The following PTPN14 variants were observed in gnomAD, a reference collection of about 807,000 sequenced individuals.
PTPN14 encodes the protein tyrosine-protein phosphatase non-receptor type 14.
Under a neutral mutation model 126.8 loss-of-function variants are expected in PTPN14, and 53 were observed. The ratio of observed to expected loss-of-function variants is 0.42; its 90% CI spans 0.34 to 0.53. The LOEUF is 0.53. Among genes scored for constraint, PTPN14 ranks in the 20% least tolerant of loss-of-function variants. PTPN14 has a pLI of 0.08. For synonymous variants in PTPN14, 630 were observed against 599.3 expected, an observed-to-expected ratio of 1.05 and a Z score of -0.75; for missense variants, 1,257 against 1,552.9, an observed-to-expected ratio of 0.81 and a Z score of 3.20.
chr1:214,551,113 C>T (rs1221629522), intron 1 of PTPN14, 70 bp downstream of exon 1: 1 of 152,312 alleles, frequency 6.6e-6, no homozygotes, highest in Non-Finnish European at 1.5e-5. Flanking sequence ...CCCAAGTCAT[C>T]TGCAGGGCGC....
chr1:214,422,134 T>C (rs1362215457), intron 3 of PTPN14, among the ~76,000 whole-genome samples: 3 of 152,206 alleles, frequency 2.0e-5, no homozygotes, highest in Non-Finnish European at 4.4e-5. Flanking sequence ...GTTATTTCTA[T>C]AATATGAAAG....
At chr1:214,387,625 C>G (rs1164587259) in intron 11 of PTPN14, among the ~76,000 whole-genome samples, 2 of 150,326 alleles carry the variant, frequency 1.3e-5, no homozygotes, top group Non-Finnish European at 2.9e-5. Flanking sequence ...TTGCAGTAAG[C>G]CAAGATCATG....
At chr1:214,401,643 G>A (rs201865986) in intron 7 of PTPN14, 42 bp downstream of exon 7, 99 of 1,456,622 alleles carry the variant, frequency 6.8e-5, no homozygotes, top group Admixed American at 4.0e-4. Context: ...TGCCAGTACC[G>A]GTCTGAGAAG....
At chr1:214,519,321 C>A (rs1655185799) in intron 1 of PTPN14, among the ~76,000 whole-genome samples, 1 of 152,116 alleles carries the variant, frequency 6.6e-6, no homozygotes, top group East Asian at 1.9e-4. Context: ...CTTTATACAG[C>A]ATTGCATTCC....
intron 13 of PTPN14, among the ~76,000 whole-genome samples, chr1:214,379,931 C>T (rs1010972291): frequency 4.6e-5 from 7 of 152,232 alleles, no homozygotes; most frequent in African/African-American, 9.6e-5. Context: ...TACCCTCAAC[C>T]TTGGCAGAAT....
chr1:214,372,148 A>C (rs1226214066), intron 16 of PTPN14: 1 of 154,262 alleles, frequency 6.5e-6, no homozygotes, highest in East Asian at 1.9e-4. Flanking sequence ...AACATCACAT[A>C]GAGTTCTCTA....
intron 3 of PTPN14, among the ~76,000 whole-genome samples, chr1:214,431,500 A>C (rs1659796586): frequency 6.6e-6 from 1 of 152,246 alleles, no homozygotes; most frequent in African/African-American, 2.4e-5. Flanking sequence ...TGAATGGCAG[A>C]GCAGAATTCA....
Position 214,384,863 on chromosome 1 carries a change from A to G in PTPN14, c.1067-75T>C. The G allele has an allele frequency of 6.6e-7, 1 of 1,507,140 alleles. No homozygotes were observed. The highest frequency in any genetic ancestry group is 8.9e-7 in the Non-Finnish European group (1 of 1,124,292). The allele number at this position is 1,507,140 out of a possible 1,614,324, so 93.4% of individuals were successfully genotyped here. A position where few individuals can be genotyped will look rare whatever the true frequency, so the allele number is the denominator to read the frequency against. ...AACAAAGTACATCCTCATACTCATG[A>G]GGTGACTTTTAATTTAAACAAATCA... On this transcript the variant is annotated intron_variant, in intron 12 of 18. Transcript: ENST00000366956. This position sits in a 1 kb window ranked among gnomAD's most constrained non-coding sequence, Gnocchi z 5.3.
At chr1:214,411,484 G>A (rs1659307564) in intron 5 of PTPN14, among the ~76,000 whole-genome samples, 200 bp downstream of exon 5, 1 of 152,104 alleles carries the variant, frequency 6.6e-6, no homozygotes, top group South Asian at 2.1e-4. Flanking sequence ...ATCTGAAAAA[G>A]AAATTAGGGA....
In PTPN14 at chr1:214,351,744, C is replaced by T. The variant is rs1657712987; in HGVS notation, c.*6178G>A. 2 of 152,234 alleles carry T rather than the reference C, an allele frequency of 1.3e-5. No homozygotes were observed. Among genetic ancestry groups the T allele is most frequent in the South Asian group, 4.1e-4 (2 of 4,828 alleles). 9.4% of individuals were successfully genotyped at this position (152,234 alleles called of 1,614,324 possible). On this transcript the variant is annotated 3_prime_UTR_variant, in exon 19 of 19. Transcript: ENST00000366956. ...AGTGAAGACAGTTTAAAACTATGAG[C>T]TAGGGTGAAATAGACTCCAACACTG...
chr1:214,449,981 A>G (rs971036253), intron 3 of PTPN14, among the ~76,000 whole-genome samples: 1 of 151,818 alleles, frequency 6.6e-6, no homozygotes, highest in Non-Finnish European at 1.5e-5. Context: ...ATTAGAAGAA[A>G]ATTTAGCCAG....
intron 1 of PTPN14, among the ~76,000 whole-genome samples, chr1:214,503,137 T>G (rs1267912639): frequency 6.6e-6 from 1 of 152,104 alleles, no homozygotes; most frequent in Non-Finnish European, 1.5e-5. Context: ...ACAAGCAAAT[T>G]TAAATACAAT....
chr1:214,545,456 T>A (rs1312519328), intron 1 of PTPN14, among the ~76,000 whole-genome samples: 1 of 152,174 alleles, frequency 6.6e-6, no homozygotes, highest in Non-Finnish European at 1.5e-5. Flanking sequence ...AATCCCTTCA[T>A]GAAGGCTCCT....
At chr1:214,386,648 T>G (rs1210340452) in intron 12 of PTPN14, among the ~76,000 whole-genome samples, 196 bp downstream of exon 12, 4 of 152,174 alleles carry the variant, frequency 2.6e-5, no homozygotes, top group African/African-American at 9.7e-5. Context: ...GAGCAGCCAA[T>G]ACTGGGGAAA....
chr1:214,436,932 T>C (rs1426035778), intron 3 of PTPN14, among the ~76,000 whole-genome samples: 1 of 151,564 alleles, frequency 6.6e-6, no homozygotes, highest in East Asian at 1.9e-4. Context: ...ACAAAATCTC[T>C]CAATGTATAT....
intron 1 of PTPN14, among the ~76,000 whole-genome samples, chr1:214,492,384 G>A (rs1661270158): frequency 6.6e-6 from 1 of 152,094 alleles, no homozygotes; most frequent in Admixed American, 6.5e-5. Context: ...AACCCCAAAG[G>A]TCCATAAATA....
Position 214,350,968 on chromosome 1 carries a change from C to T in PTPN14, c.*6954G>A, listed in dbSNP as rs1342350794. 10 of 151,796 alleles carry T rather than the reference C, an allele frequency of 6.6e-5. No individual in the cohort carries two copies. The highest frequency in any genetic ancestry group is 3.9e-4 in the Admixed American group (6 of 15,244). The allele number at this position is 151,796 out of a possible 1,614,324, so 9.4% of individuals were successfully genotyped here. On this transcript the variant is annotated 3_prime_UTR_variant, in exon 19 of 19. Transcript: ENST00000366956. ...GAGGTTTAAGGCAATGATTCTCTGA[C>T]GAGGATTAACTCTTACATCTGGGTT...
intron 1 of PTPN14, among the ~76,000 whole-genome samples, chr1:214,517,987 T>C (rs1655151003): frequency 1.3e-5 from 2 of 151,930 alleles, no homozygotes; most frequent in African/African-American, 4.8e-5. Context: ...TATAAAGACC[T>C]CTAAAGAAGG....
intron 1 of PTPN14, among the ~76,000 whole-genome samples, chr1:214,477,564 T>C (rs181837454): frequency 6.6e-6 from 1 of 152,292 alleles, no homozygotes; most frequent in Non-Finnish European, 1.5e-5. Flanking sequence ...GTTGTAAAAA[T>C]AATTTGTTAG....
Sources: allele counts gnomAD v4.1 joint callset (sites outside exome capture counted in the v4.1 genomes callset), GRCh38; gene constraint gnomAD v4.1.1; non-coding constraint Gnocchi (gnomAD v3.1); transcripts MANE v1.5; gene names NCBI Gene and HGNC (gene_info 2026-07-23, HGNC 2026-07-21).